The following MLIP variants were observed in gnomAD, a reference collection of about 807,000 sequenced individuals.
The protein encoded by MLIP is muscular LMNA interacting protein, also known as muscular LMNA-interacting protein.
MLIP carries 79 observed loss-of-function variants against 84.8 expected under a neutral mutation model. The ratio of observed to expected loss-of-function variants is 0.93; its 90% CI spans 0.78 to 1.12. The LOEUF is 1.12. Among genes scored for constraint, MLIP ranks in the 50% most tolerant of loss-of-function variants. MLIP has a pLI of 0.00. For synonymous variants in MLIP, 504 were observed against 463.0 expected, an observed-to-expected ratio of 1.09 and a Z score of -1.14; for missense variants, 1,257 against 1,160.6, an observed-to-expected ratio of 1.08 and a Z score of -1.21.
intron 11 of MLIP, among the ~76,000 whole-genome samples, chr6:54,206,634 T>A (rs1347983276): frequency 2.0e-5 from 3 of 152,180 alleles, no homozygotes; most frequent in Non-Finnish European, 4.4e-5. Flanking sequence ...CTTCTGAGTT[T>A]TTTTTAGACA....
At chr6:54,042,033 A>C (rs927393253) in intron 1 of MLIP, among the ~76,000 whole-genome samples, 1 of 151,948 alleles carries the variant, frequency 6.6e-6, no homozygotes, top group African/African-American at 2.4e-5. Context: ...ATTTTTCCTA[A>C]TTCATATAGG....
At chr6:54,256,966 C>T (rs1783048235) in intron 12 of MLIP, among the ~76,000 whole-genome samples, 1 of 152,202 alleles carries the variant, frequency 6.6e-6, no homozygotes, top group South Asian at 2.1e-4. Context: ...ATAAATTTAA[C>T]TTTGTTTCCT....
At chr6:54,196,330 T>C (rs1237778323) in intron 10 of MLIP, among the ~76,000 whole-genome samples, 2 of 152,158 alleles carry the variant, frequency 1.3e-5, no homozygotes, top group African/African-American at 4.8e-5. Flanking sequence ...CATATTTTCC[T>C]AATGCTTTCC....
chr6:54,237,322 G>A (rs1296517951), intron 12 of MLIP, among the ~76,000 whole-genome samples: 1 of 151,888 alleles, frequency 6.6e-6, no homozygotes, highest in African/African-American at 2.4e-5. Flanking sequence ...ATTAGTTGAG[G>A]AGAGGGGGTG....
intron 11 of MLIP, among the ~76,000 whole-genome samples, chr6:54,227,854 G>GA (rs1780685443): frequency 6.6e-6 from 1 of 151,912 alleles, no homozygotes; most frequent in East Asian, 1.9e-4. Flanking sequence ...CAATATGAGA[G>GA]AAAACCAAAA....
chr6:54,161,869 T>C (rs1011043241), intron 8 of MLIP, among the ~76,000 whole-genome samples: 2 of 151,862 alleles, frequency 1.3e-5, no homozygotes, highest in African/African-American at 4.8e-5. Context: ...AAAACTTTGA[T>C]TTGTCAAATA....
intron 11 of MLIP, among the ~76,000 whole-genome samples, chr6:54,213,401 A>G (rs1036693226): frequency 1.3e-5 from 2 of 152,196 alleles, no homozygotes; most frequent in African/African-American, 4.8e-5. Flanking sequence ...TTGTAATGCT[A>G]TAATAAAGAC....
intron 11 of MLIP, among the ~76,000 whole-genome samples, chr6:54,224,643 T>A (rs1299908389): frequency 6.6e-6 from 1 of 152,082 alleles, no homozygotes; most frequent in Non-Finnish European, 1.5e-5. Context: ...CATGAGTAAG[T>A]TCTTTAGTGG....
intron 1 of MLIP, among the ~76,000 whole-genome samples, chr6:54,100,288 G>A (rs1033957319): frequency 9.6e-6 from 1 of 103,702 alleles, no homozygotes. Flanking sequence ...GGACAAGCTT[G>A]ATAAGTACAT....
chr6:54,255,713 C>G (rs1055145476), intron 12 of MLIP, among the ~76,000 whole-genome samples: 2 of 152,114 alleles, frequency 1.3e-5, no homozygotes, highest in Admixed American at 1.3e-4. Context: ...TGGAATATAA[C>G]AGTAGGCATC....
chr6:54,120,692 C>T (rs1233864156), intron 1 of MLIP, among the ~76,000 whole-genome samples: 1 of 152,176 alleles, frequency 6.6e-6, no homozygotes, highest in Non-Finnish European at 1.5e-5. Flanking sequence ...CTTTTCTCAG[C>T]TTGGGATCTC....
intron 11 of MLIP, among the ~76,000 whole-genome samples, chr6:54,213,444 G>A (rs1779601391): frequency 6.6e-6 from 1 of 152,152 alleles, no homozygotes; most frequent in Non-Finnish European, 1.5e-5. Flanking sequence ...GCTCACGCCT[G>A]TAATCCCAGC....
intron 13 of MLIP, among the ~76,000 whole-genome samples, chr6:54,264,516 A>G (rs1043497524): frequency 1.3e-5 from 2 of 152,110 alleles, no homozygotes; most frequent in African/African-American, 4.8e-5. Flanking sequence ...GTAAAATGGA[A>G]TCAAATGATC....
chr6:54,242,468 T>C (rs1386599391), intron 12 of MLIP, among the ~76,000 whole-genome samples: 1 of 152,196 alleles, frequency 6.6e-6, no homozygotes, highest in Non-Finnish European at 1.5e-5. Flanking sequence ...ATTAATATTA[T>C]AGTCATATAT....
chr6:54,074,925 C>T (rs1332218946), intron 1 of MLIP, among the ~76,000 whole-genome samples: 1 of 151,936 alleles, frequency 6.6e-6, no homozygotes, highest in Non-Finnish European at 1.5e-5. Context: ...TCTTCATTTG[C>T]AAAAGAACAG....
chr6:54,195,065 G>A (rs904628386), intron 10 of MLIP, among the ~76,000 whole-genome samples: 8 of 151,874 alleles, frequency 5.3e-5, no homozygotes, highest in African/African-American at 1.9e-4. Flanking sequence ...AATTTTGCCT[G>A]GTAGAATATA....
At chr6:54,025,870 C>T (rs113671049) in intron 1 of MLIP, among the ~76,000 whole-genome samples, 52 of 152,306 alleles carry the variant, frequency 3.4e-4, no homozygotes, top group Non-Finnish European at 6.9e-4. Flanking sequence ...GTGCATTCTA[C>T]GTCTCCACTT....
intron 12 of MLIP, among the ~76,000 whole-genome samples, chr6:54,240,962 G>A (rs1562096504): frequency 6.6e-6 from 1 of 152,054 alleles, no homozygotes; most frequent in Non-Finnish European, 1.5e-5. Context: ...GCGACAGAGT[G>A]AGACTCCGTC....
chr6:54,054,476 G>C (rs1561895900), intron 1 of MLIP, among the ~76,000 whole-genome samples: 1 of 150,458 alleles, frequency 6.6e-6, no homozygotes. Flanking sequence ...ATTCAGTACT[G>C]TATCGGATAT....
Sources: gnomAD v4.1 joint callset for allele counts (sites outside exome capture counted in the v4.1 genomes callset) on GRCh38, gnomAD v4.1.1 for gene constraint, MANE v1.5 for transcripts, NCBI Gene and HGNC (gene_info 2026-07-23, HGNC 2026-07-21) for gene names.